VPS13A: variants seen among roughly 807,000 people sequenced by gnomAD.
VPS13A encodes the protein intermembrane lipid transfer protein VPS13A.
A neutral mutation model predicts 390.9 loss-of-function variants in VPS13A; 264 were observed. The ratio of observed to expected loss-of-function variants is 0.68; its 90% confidence interval spans 0.61 to 0.75. VPS13A has a LOEUF of 0.75. VPS13A is among the 30% of genes least tolerant of loss of function. VPS13A has a pLI of 0.00. For missense variants in VPS13A, 3,409 were observed against 3,733.9 expected (o/e 0.91, Z 2.27); for synonymous variants, 1,231 against 1,227.1 (o/e 1.00, Z -0.07).
chr9:77,376,861 T>A (rs1833107120), intron 67 of VPS13A, among the ~76,000 whole-genome samples: 2 of 152,142 alleles, frequency 1.3e-5, no homozygotes, highest in South Asian at 4.2e-4. Flanking sequence ...GTCCAAGGAC[T>A]TGGCTTTCAG....
intron 59 of VPS13A, among the ~76,000 whole-genome samples, chr9:77,365,175 T>C (rs1256497001): frequency 6.6e-6 from 1 of 152,194 alleles, no homozygotes; most frequent in Non-Finnish European, 1.5e-5. Context: ...AGAGTGTTGA[T>C]GGTATGGATT....
At position 77,226,488 on chromosome 9, in the gene VPS13A, T is replaced by C. The variant is rs1241766928; in HGVS notation, c.1247T>C (p.Ile416Thr). Residue 416 changes from isoleucine to threonine, a missense_variant, in exon 15 of 72, where the codon ATT (isoleucine) becomes ACT (threonine). Physicochemically the swap from Ile to Thr is moderately conservative, Grantham distance 89 (BLOSUM62 -1). Coordinates refer to ENST00000360280, the MANE Select transcript of VPS13A (RefSeq NM_033305.3). ...TAGGTAAAGAAAGCTGGATACAAAATTTACAAAGAAGGAGTAAAAGATCCA... is the reference window on the plus strand; with the variant it reads ...TAGGTAAAGAAAGCTGGATACAAAACTTACAAAGAAGGAGTAAAAGATCCA... ...EVEVKKAGYK[I>T]YKEGVKDPED... 2 of 1,611,562 alleles carry C rather than the reference T, an allele frequency of 1.2e-6. No individual in the cohort carries two copies.
At chr9:77,200,779 TGTC>T (rs1295347750) in intron 2 of VPS13A, among the ~76,000 whole-genome samples, 5 of 152,192 alleles carry the variant, frequency 3.3e-5, no homozygotes, top group Non-Finnish European at 4.4e-5. Context: ...CCGAATCTAA[TGTC>T]GTGAAGATTT....
chr9:77,221,123 A>G (rs1823185368), intron 12 of VPS13A, 62 bp from the exon 13 acceptor site: 3 of 1,471,952 alleles, frequency 2.0e-6, no homozygotes, highest in Non-Finnish European at 2.8e-6. Flanking sequence ...AGTAGAAGCA[A>G]TGTCAGTAAT....
chr9:77,283,722 C>T (rs1370338460), intron 31 of VPS13A, 72 bp downstream of exon 31: 3 of 1,210,312 alleles, frequency 2.5e-6, no homozygotes, highest in Admixed American at 2.1e-5. Context: ...TCATAGGTAT[C>T]ATTTGGACAT....
In VPS13A at chr9:77,316,187, A is replaced by G. The variant is rs765000090; in HGVS notation, c.4644A>G (p.Glu1548=). 14 of 1,609,968 alleles carry G rather than the reference A, an allele frequency of 8.7e-6. No individual in the cohort carries two copies. Among genetic ancestry groups the G allele is most frequent in the South Asian group, 1.1e-5 (1 of 90,876 alleles). ...WTAKEEVPTQ[E]SVKWEINVII... Reference sequence around the variant, plus strand: ...TATTTGTTTTAGTACCTACACAGGAATCAGTGAAGTGGGAAATTAATGTTA... The same window carrying G: ...TATTTGTTTTAGTACCTACACAGGAGTCAGTGAAGTGGGAAATTAATGTTA... The change falls in exon 39 of 72, where the codon GAA becomes GAG. Residue 1548 remains glutamate, a synonymous_variant. Coordinates refer to ENST00000360280, the MANE Select transcript of VPS13A (RefSeq NM_033305.3).
chr9:77,234,407 A>G (rs745470782), intron 17 of VPS13A, among the ~76,000 whole-genome samples: 14 of 152,060 alleles, frequency 9.2e-5, no homozygotes, highest in Non-Finnish European at 1.5e-4. Flanking sequence ...CATGCAGTAT[A>G]TTTTTTCATC....
intron 1 of VPS13A, among the ~76,000 whole-genome samples, chr9:77,182,824 C>T (rs769160030): frequency 1.8e-4 from 27 of 152,086 alleles, no homozygotes; most frequent in South Asian, 6.2e-4. Context: ...AACTAACATA[C>T]GTATTCTGTT....
chr9:77,303,876 A>C (rs998342153), intron 34 of VPS13A, among the ~76,000 whole-genome samples: 3 of 152,194 alleles, frequency 2.0e-5, no homozygotes. Context: ...AGAATTGAAC[A>C]AATGTACAAT....
intron 68 of VPS13A, among the ~76,000 whole-genome samples, chr9:77,387,712 A>C (rs962204135): frequency 6.6e-6 from 1 of 152,226 alleles, no homozygotes; most frequent in South Asian, 2.1e-4. Context: ...AAAGGAAGTC[A>C]AATTTTGTTT....
intron 27 of VPS13A, among the ~76,000 whole-genome samples, chr9:77,281,653 A>T (rs564477966): frequency 6.6e-6 from 1 of 151,984 alleles, no homozygotes; most frequent in Non-Finnish European, 1.5e-5. Context: ...AATACTTGCT[A>T]TGTGCCAGAG....
rs1823086980 is a variant in VPS13A at position 77,219,844 on chromosome 9, TAGAA to T, written c.755-109_755-106del. On this transcript the variant is annotated intron_variant, in intron 10 of 71. Transcript: ENST00000360280. ...TGGCAGTGTGAACATCTGGGAACTG[TAGAA>T]GGGGTATAAAATAAATGGAAATCAG... 3 of 1,129,424 alleles carry T rather than the reference TAGAA, an allele frequency of 2.7e-6. No homozygotes were observed. The Admixed American group carries it at 5.5e-5, about 21-fold the overall frequency. The allele number at this position is 1,129,424 out of a possible 1,614,324, so 70.0% of individuals were successfully genotyped here.
intron 46 of VPS13A, among the ~76,000 whole-genome samples, chr9:77,336,043 C>G (rs1030628767): frequency 3.3e-5 from 5 of 152,120 alleles, no homozygotes; most frequent in African/African-American, 1.2e-4. Context: ...AGAATGAGTT[C>G]ATGTCCTTTG....
intron 68 of VPS13A, among the ~76,000 whole-genome samples, chr9:77,399,969 GTTT>G (rs150403451): frequency 6.6e-6 from 1 of 152,042 alleles, no homozygotes; most frequent in Non-Finnish European, 1.5e-5. Flanking sequence ...GTATGCACAG[GTTT>G]TTTATGACTT....
chr9:77,330,517 C>T (rs1258338323), intron 45 of VPS13A, among the ~76,000 whole-genome samples: 1 of 152,170 alleles, frequency 6.6e-6, no homozygotes, highest in African/African-American at 2.4e-5. Context: ...ACTAACTTCA[C>T]ATTCCAAACA....
At chr9:77,414,054 A>G (rs995269613) in intron 71 of VPS13A, among the ~76,000 whole-genome samples, 2 of 152,226 alleles carry the variant, frequency 1.3e-5, no homozygotes, top group African/African-American at 4.8e-5. Context: ...ATCTCACACC[A>G]GTTAGAATGG....
Position 77,293,445 on chromosome 9 carries a change from G to C in VPS13A, c.3444G>C (p.Gln1148His), listed in dbSNP as rs1827792460. 1 of 1,606,892 alleles carries C rather than the reference G, an allele frequency of 6.2e-7. No individual in the cohort carries two copies. The highest frequency in any genetic ancestry group is 2.2e-5 in the East Asian group (1 of 44,596). The change falls in exon 32 of 72, where the codon CAG becomes CAC. Residue 1148 changes from glutamine (Q) to histidine (H), a missense_variant. By Grantham distance (24) the Gln-to-His change is conservative. Transcript: ENST00000360280. ...AYTDMNVVDI[Q>H]VNLIVGCIEV... Reference sequence around the variant, plus strand: ...CAGATATGAATGTGGTTGACATTCAGGTTAATTTAATAGTTGGTTGCATTG... The same window carrying C: ...CAGATATGAATGTGGTTGACATTCACGTTAATTTAATAGTTGGTTGCATTG...
chr9:77,216,284 A>C (rs545837445), intron 10 of VPS13A, among the ~76,000 whole-genome samples: 1 of 152,228 alleles, frequency 6.6e-6, no homozygotes, highest in African/African-American at 2.4e-5. Flanking sequence ...CTCAGAAGTA[A>C]AAAATTGATA....
At chr9:77,315,698 A>G (rs763462657) in intron 38 of VPS13A, among the ~76,000 whole-genome samples, 4 of 152,142 alleles carry the variant, frequency 2.6e-5, no homozygotes, top group African/African-American at 7.2e-5. Flanking sequence ...CTATGTTAGA[A>G]TAAGTAATTG....
Sources: gnomAD v4.1 joint callset for allele counts (sites outside exome capture counted in the v4.1 genomes callset) on GRCh38, gnomAD v4.1.1 for gene constraint, MANE v1.5 for transcripts, NCBI Gene and HGNC (gene_info 2026-07-23, HGNC 2026-07-21) for gene names.